The following RYK variants were observed in gnomAD, a reference collection of about 807,000 sequenced individuals.
RYK encodes inactive tyrosine-protein kinase RYK.
Under a neutral mutation model 70.2 loss-of-function variants are expected in RYK, and 21 were observed. The ratio of observed to expected loss-of-function variants is 0.30; its 90% CI spans 0.21 to 0.43. The LOEUF is 0.43. Ranked by LOEUF, RYK falls within the 20% of genes least tolerant of loss-of-function variation. RYK has a pLI of 1.00. For synonymous variants in RYK, 267 were observed against 278.0 expected (o/e 0.96, Z 0.39); for missense variants, 604 against 753.3 (o/e 0.80, Z 2.32).
At chr3:134,231,171 C>T (rs1420375497) in intron 1 of RYK, among the ~76,000 whole-genome samples, 2 of 150,220 alleles carry the variant, frequency 1.3e-5, no homozygotes. Context: ...ATAAAAAGTA[C>T]CTGTAAGCAG....
At chr3:134,225,690 T>C (rs2014886821) in intron 1 of RYK, among the ~76,000 whole-genome samples, 2 of 152,004 alleles carry the variant, frequency 1.3e-5, no homozygotes, top group Admixed American at 6.6e-5. Flanking sequence ...CCCATCTCTA[T>C]AAAAAACTTT....
chr3:134,227,288 G>A (rs1011885340), intron 1 of RYK, among the ~76,000 whole-genome samples: 1 of 152,062 alleles, frequency 6.6e-6, no homozygotes, highest in Non-Finnish European at 1.5e-5. Context: ...TTAAAAAGTG[G>A]AGAGACATAC....
At position 134,232,373 on chromosome 3, in the gene RYK, T is replaced by C. The variant is rs534323830; in HGVS notation, c.233-9834A>G. Among the ~76,000 whole-genome samples, 8 of 152,318 alleles carry C rather than the reference T, an allele frequency of 5.3e-5. No individual in the cohort carries two copies. The South Asian group carries it at 1.0e-3, about 20-fold the overall frequency. ...CTTCCTGTCCTCTCTGGTGCTATAA[T>C]TGAATGCTGCATAATCCTGGATTAA... On this transcript the variant is annotated intron_variant, in intron 1 of 14. Transcript: ENST00000623711.
At chr3:134,245,468 A>G (rs4682669) in intron 1 of RYK, among the ~76,000 whole-genome samples, 21,845 of 152,056 alleles carry the variant, frequency 0.14, 1,925 homozygotes, top group East Asian at 0.47. Flanking sequence ...AAGATGGCAA[A>G]GTACTTGAAG....
chr3:134,186,137 T>A (rs1234074554), intron 9 of RYK, among the ~76,000 whole-genome samples: 1 of 152,160 alleles, frequency 6.6e-6, no homozygotes. Flanking sequence ...GTAGCTATAA[T>A]AAAGAAAATA....
chr3:134,169,133 C>T (rs7428966), intron 13 of RYK, among the ~76,000 whole-genome samples: 148,707 of 152,308 alleles, frequency 0.98, 72,689 homozygotes, highest in East Asian at 1. Flanking sequence ...GATCTCTTCA[C>T]TGCCATAAAC....
intron 13 of RYK, among the ~76,000 whole-genome samples, chr3:134,165,047 G>A (rs1169253935): frequency 6.6e-6 from 1 of 152,182 alleles, no homozygotes; most frequent in East Asian, 1.9e-4. Flanking sequence ...CAAAAAGGGT[G>A]TACCTCTCCT....
chr3:134,201,887 T>C (rs1013553950), intron 6 of RYK, among the ~76,000 whole-genome samples: 1 of 152,122 alleles, frequency 6.6e-6, no homozygotes, highest in Non-Finnish European at 1.5e-5. Context: ...AGGAGGGAAG[T>C]AAGAAGTGTT....
chr3:134,223,188 CA>C (rs1490787128), intron 1 of RYK, among the ~76,000 whole-genome samples: 1 of 152,070 alleles, frequency 6.6e-6, no homozygotes, highest in Non-Finnish European at 1.5e-5. Flanking sequence ...GCTTGTTAAC[CA>C]AGAGGTTAGT....
chr3:134,237,774 T>C (rs1331442846), intron 1 of RYK, among the ~76,000 whole-genome samples: 1 of 152,228 alleles, frequency 6.6e-6, no homozygotes, highest in Non-Finnish European at 1.5e-5. Flanking sequence ...TACTCTATGA[T>C]ATCATCCATG....
chr3:134,176,099 T>C, intron 11 of RYK, 60 bp from the exon 12 acceptor site: 1 of 998,502 alleles, frequency 1.0e-6, no homozygotes. Context: ...GGCACTTTCT[T>C]ACTTTTTTTA....
At chr3:134,206,147 G>A (rs1167786022) in intron 5 of RYK, among the ~76,000 whole-genome samples, 6 of 152,066 alleles carry the variant, frequency 3.9e-5, no homozygotes, top group African/African-American at 1.4e-4. Flanking sequence ...TAGACGATAT[G>A]TCACATTATT....
chr3:134,228,824 CTG>C (rs1460843428), intron 1 of RYK, among the ~76,000 whole-genome samples: 2 of 152,092 alleles, frequency 1.3e-5, no homozygotes, highest in African/African-American at 4.8e-5. Context: ...CAGTAAAACA[CTG>C]TATATCACAA....
intron 11 of RYK, among the ~76,000 whole-genome samples, chr3:134,176,392 C>A (rs2013101286): frequency 6.6e-6 from 1 of 152,056 alleles, no homozygotes; most frequent in Admixed American, 6.5e-5. Context: ...CTTTTTTTCC[C>A]CCAAACAGTA....
chr3:134,211,678 T>A, intron 2 of RYK, 71 bp from the exon 3 acceptor site: 1 of 984,862 alleles, frequency 1.0e-6, no homozygotes, highest in Non-Finnish European at 1.6e-6. Flanking sequence ...TTGACTTCAT[T>A]AATTGGCTCA....
intron 2 of RYK, among the ~76,000 whole-genome samples, chr3:134,215,755 A>G (rs2014530710): frequency 1.3e-5 from 2 of 152,132 alleles, no homozygotes; most frequent in African/African-American, 2.4e-5. Flanking sequence ...AAGAAACTAC[A>G]GGCTAGGCGT....
intron 6 of RYK, among the ~76,000 whole-genome samples, chr3:134,196,276 A>T (rs138948733): frequency 6.6e-6 from 1 of 152,282 alleles, no homozygotes; most frequent in East Asian, 1.9e-4. Context: ...TGAAACATAG[A>T]AATTCAGCAT....
chr3:134,250,447 C>G lies in RYK; in HGVS notation c.208G>C (p.Glu70Gln). ...AGPSVSLYLS[E>Q]DEVRRLIGLD... ...CCGATCAGCCGGCGCACCTCGTCCT[C>G]GCTCAGGTAGAGACTCACGCTGGGC... The change falls in exon 1 of 15, where the codon GAG becomes CAG. Residue 70 changes from glutamate to glutamine, a missense_variant. Around this residue, in one of 2 missense-constraint regions of RYK, gnomAD observed 466 missense variants for 535.9 expected, o/e 0.87. Coordinates refer to ENST00000623711, the MANE Select transcript of RYK (RefSeq NM_002958.4). 1 of 1,409,212 alleles carries G rather than the reference C, an allele frequency of 7.1e-7. No individual in the cohort carries two copies. The highest frequency in any genetic ancestry group is 9.3e-7 in the Non-Finnish European group (1 of 1,079,638). The allele number at this position is 1,409,212 out of a possible 1,614,324, so 87.3% of individuals were successfully genotyped here.
chr3:134,208,125 A>G (rs2014270072), intron 4 of RYK, among the ~76,000 whole-genome samples: 1 of 152,196 alleles, frequency 6.6e-6, no homozygotes, highest in Non-Finnish European at 1.5e-5. Context: ...ATAGAAAATT[A>G]CTCCAACACA....
Sources: gnomAD v4.1 joint callset for allele counts (sites outside exome capture counted in the v4.1 genomes callset) on GRCh38, gnomAD v4.1.1 for gene constraint, gnomAD v4.1.1 regional missense constraint, MANE v1.5 for transcripts, NCBI Gene and HGNC (gene_info 2026-07-23, HGNC 2026-07-21) for gene names.